PCDHA8: variants seen among roughly 807,000 people sequenced by gnomAD.
PCDHA8 encodes protocadherin alpha-8.
A neutral mutation model predicts 61.8 loss-of-function variants in PCDHA8; 53 were observed. The observed-to-expected ratio is 0.86, with a 90% CI of 0.69 to 1.08. PCDHA8 has a LOEUF of 1.08. Ranked by LOEUF, PCDHA8 falls within the 50% of genes least tolerant of loss-of-function variation. The pLI is 0.00. For synonymous variants in PCDHA8, 618 were observed against 556.6 expected, an observed-to-expected ratio of 1.11 and a Z score of -1.55; for missense variants, 1,293 against 1,245.0, an observed-to-expected ratio of 1.04 and a Z score of -0.58.
intron 1 of PCDHA8, among the ~76,000 whole-genome samples, chr5:140,964,846 C>G (rs1292135709): frequency 2.0e-5 from 3 of 152,180 alleles, no homozygotes; most frequent in Non-Finnish European, 2.9e-5. Context: ...TACTCTGTAC[C>G]CTTGAGGAAA....
intron 1 of PCDHA8, chr5:140,857,146 CGTCATTGCCCT>C: frequency 6.3e-7 from 1 of 1,598,132 alleles, no homozygotes; most frequent in Non-Finnish European, 8.6e-7. Context: ...AAGTGGGCAC[CGTCATTGCCCT>C]AATCAGCGTT....
intron 1 of PCDHA8, chr5:140,967,704 G>A: frequency 6.2e-7 from 1 of 1,614,196 alleles, no homozygotes; most frequent in Non-Finnish European, 8.5e-7. Context: ...ATAGATGCCA[G>A]TACCGGGGAA....
intron 1 of PCDHA8, among the ~76,000 whole-genome samples, chr5:140,924,394 T>A (rs973977224): frequency 2.0e-5 from 3 of 152,176 alleles, no homozygotes; most frequent in Admixed American, 2.0e-4. Context: ...CTACTTATAT[T>A]GCCTTATATC....
chr5:140,856,716 G>A, intron 1 of PCDHA8: 1 of 1,596,628 alleles, frequency 6.3e-7, no homozygotes. Context: ...GAATTTACCG[G>A]ATCTGTTTCT....
At chr5:140,915,589 T>C (rs1398530314) in intron 1 of PCDHA8, among the ~76,000 whole-genome samples, 1 of 151,900 alleles carries the variant, frequency 6.6e-6, no homozygotes, top group African/African-American at 2.4e-5. Context: ...AAAGCACTTG[T>C]TCTTTTCCCT....
intron 1 of PCDHA8, chr5:140,870,277 G>C: frequency 6.2e-7 from 1 of 1,614,168 alleles, no homozygotes; most frequent in South Asian, 1.1e-5. Flanking sequence ...GACGCCCCAC[G>C]TTCCCTTCAA....
At chr5:140,885,677 T>C (rs1554182236) in intron 1 of PCDHA8, among the ~76,000 whole-genome samples, 1 of 152,208 alleles carries the variant, frequency 6.6e-6, no homozygotes, top group African/African-American at 2.4e-5. Context: ...ACTCTTTCTA[T>C]CTCAAGAAGC....
chr5:140,976,511 A>G (rs1216804890), intron 1 of PCDHA8, among the ~76,000 whole-genome samples: 1 of 152,148 alleles, frequency 6.6e-6, no homozygotes, highest in Non-Finnish European at 1.5e-5. Flanking sequence ...AGATCGCGCC[A>G]CTGCACACCA....
At chr5:140,941,219 C>CTTTCTTTCTT (rs1563186292) in intron 1 of PCDHA8, among the ~76,000 whole-genome samples, 18 of 125,974 alleles carry the variant, frequency 1.4e-4, no homozygotes, top group African/African-American at 4.5e-4. Context: ...TTCTTCCTTT[C>CTTTCTTTCTT]TTTCTTTCTT....
chr5:140,929,101 A>G (rs1554206680), intron 1 of PCDHA8: 3 of 1,614,242 alleles, frequency 1.9e-6, no homozygotes, highest in Admixed American at 1.7e-5. Flanking sequence ...AAATCCTTGC[A>G]TGACATCAGC....
chr5:140,843,004 C>A lies in PCDHA8; in HGVS notation c.1683C>A (p.Asn561Lys), dbSNP rs782142006. The A allele has an allele frequency of 6.3e-7, 1 of 1,595,032 alleles. No individual in the cohort carries two copies. Among genetic ancestry groups the A allele is most frequent in the African/African-American group, 1.3e-5 (1 of 74,556 alleles). ...LQVFVLDEND[N>K]APALLEPRVG... is the part of the protein sequence containing the mutation. Reference sequence around the variant, plus strand: ...TGTTCGTGCTGGACGAGAATGACAACGCGCCGGCACTGCTGGAGCCTCGGG... The same window carrying A: ...TGTTCGTGCTGGACGAGAATGACAAAGCGCCGGCACTGCTGGAGCCTCGGG... Residue 561 changes from asparagine to lysine, a missense_variant, in exon 1 of 4, where the codon AAC (asparagine) becomes AAA (lysine). Coordinates refer to ENST00000531613, the MANE Select transcript of PCDHA8 (RefSeq NM_018911.3).
chr5:140,977,433 A>G (rs939711301), intron 1 of PCDHA8, among the ~76,000 whole-genome samples: 6 of 152,218 alleles, frequency 3.9e-5, no homozygotes, highest in Non-Finnish European at 7.3e-5. Flanking sequence ...TAACACCGCT[A>G]GTAGATAATG....
intron 1 of PCDHA8, among the ~76,000 whole-genome samples, chr5:140,910,875 C>A (rs1224657424): frequency 4.6e-5 from 7 of 152,184 alleles, no homozygotes; most frequent in Non-Finnish European, 7.3e-5. Flanking sequence ...TTATCCCACA[C>A]CCTTAATATC....
chr5:140,845,591 A>G (rs1416942970), intron 1 of PCDHA8, among the ~76,000 whole-genome samples: 2 of 149,444 alleles, frequency 1.3e-5, no homozygotes, highest in African/African-American at 4.9e-5. Context: ...AATGTGTCAG[A>G]AGTTAGTTAT....
intron 3 of PCDHA8, among the ~76,000 whole-genome samples, chr5:140,988,057 C>T (rs557714672): frequency 6.6e-6 from 1 of 152,188 alleles, no homozygotes; most frequent in Non-Finnish European, 1.5e-5. Context: ...GCACTGTCAA[C>T]ATGAATTTTT....
chr5:140,856,174 C>T, intron 1 of PCDHA8: 1 of 1,598,296 alleles, frequency 6.3e-7, no homozygotes, highest in Non-Finnish European at 8.6e-7. Flanking sequence ...GACACGGCAC[C>T]TTCGTGGGCC....
chr5:140,875,028 G>C (rs1321534427), intron 1 of PCDHA8, among the ~76,000 whole-genome samples: 1 of 152,198 alleles, frequency 6.6e-6, no homozygotes, highest in Non-Finnish European at 1.5e-5. Flanking sequence ...CTGGCCTACT[G>C]TATTTGAAAG....
chr5:140,869,810 A>T lies in PCDHA8; in HGVS notation c.2394+26095A>T, dbSNP rs2051437780. On this transcript the variant is annotated intron_variant, in intron 1 of 3. Transcript: ENST00000531613. ...CTGTTAGTCCAAGTCTTGGATGTCA[A>T]CGACAATGATCCAGAGTTTGATAAA... The T allele has an allele frequency of 6.2e-7, 1 of 1,612,624 alleles. No individual in the cohort carries two copies.
chr5:140,868,379 T>C (rs1554161939), intron 1 of PCDHA8: 1 of 152,086 alleles, frequency 6.6e-6, no homozygotes, highest in Non-Finnish European at 1.5e-5. Context: ...CAGTAAAGAA[T>C]GAGAACTATA....
Sources: gnomAD v4.1 joint callset for allele counts (sites outside exome capture counted in the v4.1 genomes callset) on GRCh38, gnomAD v4.1.1 for gene constraint, MANE v1.5 for transcripts, NCBI Gene and HGNC (gene_info 2026-07-23, HGNC 2026-07-21) for gene names.